The following PRDM4 variants were observed in gnomAD, a reference collection of about 807,000 sequenced individuals.
PRDM4 encodes PR domain zinc finger protein 4.
A neutral mutation model predicts 62.3 loss-of-function variants in PRDM4; 38 were observed. The observed-to-expected ratio is 0.61, with a 90% CI of 0.47 to 0.80. PRDM4 has a LOEUF of 0.80. PRDM4 is among the 30% of genes least tolerant of loss of function. The pLI is 0.00. For missense variants in PRDM4, 858 were observed against 997.1 expected, an observed-to-expected ratio of 0.86 and a Z score of 1.88; for synonymous variants, 339 against 348.2, an observed-to-expected ratio of 0.97 and a Z score of 0.30.
chr12:107,739,347 C>T (rs375800530), intron 11 of PRDM4, 36 bp downstream of exon 11: 14 of 1,600,096 alleles, frequency 8.7e-6, no homozygotes, highest in Non-Finnish European at 1.2e-5. Context: ...AGGCTCACCA[C>T]CTGAGGAACG....
At position 107,756,887 on chromosome 12, in the gene PRDM4, T is replaced by C; in HGVS notation, c.90A>G (p.Ser30=). 6.2e-7 allele frequency: 1 copy of C among 1,614,158 alleles called. No homozygotes were observed. The highest frequency in any genetic ancestry group is 1.7e-5 in the Admixed American group (1 of 60,002). The change falls in exon 3 of 12, where the codon TCA becomes TCG. Residue 30 remains serine (S), a synonymous_variant. Transcript: ENST00000228437. ...SSSVSNALPV[S]GSHLGLAASP... ...AGGCAGCCAATCCCAGGTGACTTCC[T>C]GAGACTGGCAAGGCATTGCTCACAG...
In PRDM4 at chr12:107,735,261, T is replaced by C. The variant is rs116330643; in HGVS notation, c.2094-739A>G. Among the ~76,000 whole-genome samples the C allele has an allele frequency of 3.4e-3, 513 of 152,320 alleles. 4 individuals are homozygous for C. The highest frequency in any genetic ancestry group is 0.012 in the African/African-American group (488 of 41,574). On this transcript the variant is annotated intron_variant, in intron 11 of 11. Coordinates refer to ENST00000228437, the MANE Select transcript of PRDM4 (RefSeq NM_012406.4). ...ATAGCTAAATCAAAGGATATGCACATCTTCAACTTTACAAGATAATGACAA... is the reference window on the plus strand; with the variant it reads ...ATAGCTAAATCAAAGGATATGCACACCTTCAACTTTACAAGATAATGACAA...
chr12:107,741,197 T>G lies in PRDM4; in HGVS notation c.1673A>C (p.Glu558Ala). The change falls in exon 10 of 12, where the codon GAG becomes GCG. Residue 558 changes from glutamate to alanine, a missense_variant. By Grantham distance (107) the Glu-to-Ala change is moderately radical. Transcript: ENST00000228437. ...GTGGCTGGTCAGATGGGCTTTGAAC[T>G]CTGTGTAAGAATTGCACTCCTTGCC... ...NCGKECNSYT[E>A]FKAHLTSHIH... 6.2e-7 allele frequency: 1 copy of G among 1,614,168 alleles called. No homozygotes were observed. Among genetic ancestry groups the G allele is most frequent in the Non-Finnish European group, 8.5e-7 (1 of 1,180,026 alleles).
At position 107,751,436 on chromosome 12, in the gene PRDM4, T is replaced by G. The variant is rs759686152; in HGVS notation, c.1105A>C (p.Met369Leu). The G allele has an allele frequency of 6.2e-7, 1 of 1,605,842 alleles. No individual in the cohort carries two copies. Among genetic ancestry groups the G allele is most frequent in the East Asian group, 2.2e-5 (1 of 44,588 alleles). ...MEDSNSNKEN[M>L]ATLFTIWCTL... ...TCACAAATTGTAAACAAGGTTGCCATGTTCTCCTTGTTTGAATTGGAGTCT... is the reference window on the plus strand; with the variant it reads ...TCACAAATTGTAAACAAGGTTGCCAGGTTCTCCTTGTTTGAATTGGAGTCT... The change falls in exon 5 of 12, where the codon ATG becomes CTG. Residue 369 changes from methionine to leucine, a missense_variant. Physicochemically the swap from Met to Leu is conservative, Grantham distance 15 (BLOSUM62 2). This residue lies in a region of PRDM4 where 499 missense variants were observed against 546.7 expected (regional missense o/e 0.91). Transcript: ENST00000228437.
At chr12:107,760,375 ATT>A in intron 2 of PRDM4, 128 bp downstream of exon 2, 2 of 1,205,786 alleles carry the variant, frequency 1.7e-6, no homozygotes, top group South Asian at 3.0e-5. Context: ...TAGTTTCTGG[ATT>A]TGTTTCCTTT....
At chr12:107,754,231 C>A in intron 3 of PRDM4, 122 bp from the exon 4 acceptor site, 1 of 666,384 alleles carries the variant, frequency 1.5e-6, no homozygotes, top group Non-Finnish European at 2.5e-6. Flanking sequence ...ACCTACTAGC[C>A]CTTTTCATCC....
chr12:107,751,578 G>A lies in PRDM4; in HGVS notation c.963C>T (p.Gly321=). Residue 321 remains glycine, a synonymous_variant, in exon 5 of 12, where the codon GGC becomes GGT. Coordinates refer to ENST00000228437, the MANE Select transcript of PRDM4 (RefSeq NM_012406.4). ...SLESVSLHEV[G]LSLEPVAVSS... Reference sequence around the variant, plus strand: ...AGACAGCCACAGGTTCTAGGCTGAGGCCAACTTCATGGAGGGAAACAGATT... The same window carrying A: ...AGACAGCCACAGGTTCTAGGCTGAGACCAACTTCATGGAGGGAAACAGATT... 1 of 1,613,562 alleles carries A rather than the reference G, an allele frequency of 6.2e-7. No individual in the cohort carries two copies. The highest frequency in any genetic ancestry group is 8.5e-7 in the Non-Finnish European group (1 of 1,179,470).
intron 3 of PRDM4, 80 bp from the exon 4 acceptor site, chr12:107,754,189 T>C (rs1242349809): frequency 2.5e-6 from 3 of 1,199,922 alleles, no homozygotes; most frequent in Admixed American, 2.8e-5. Flanking sequence ...GCTAAACTCT[T>C]AGAAAGGTTT....
In PRDM4 at chr12:107,753,829, A is replaced by G. The variant is rs559745617; in HGVS notation, c.331+95T>C. On this transcript the variant is annotated intron_variant, in intron 4 of 11. Transcript: ENST00000228437. ...CTAGAGATTAATATCTAATAGTGACAAACAGAAAAAAGTGTTATTCATATC... is the reference window on the plus strand; with the variant it reads ...CTAGAGATTAATATCTAATAGTGACGAACAGAAAAAAGTGTTATTCATATC... 2.1e-5 allele frequency: 25 copies of G among 1,215,122 alleles called. No individual in the cohort carries two copies. In the East Asian group the frequency reaches 5.7e-4, roughly 27 times the overall value. 75.3% of individuals were successfully genotyped at this position (1,215,122 alleles called of 1,614,324 possible).
At position 107,741,152 on chromosome 12, in the gene PRDM4, G is replaced by A; in HGVS notation, c.1718C>T (p.Thr573Ile). ...LTSHIHNHLP[T>I]QGHSGSHGPS... ...CCCATGGCTGCCGCTATGTCCCTGG[G>A]TAGGAAGATGGTTATGGATGTGGCT... The change falls in exon 10 of 12, where the codon ACC becomes ATC. Residue 573 changes from threonine (T) to isoleucine (I), a missense_variant. By Grantham distance (89) the Thr-to-Ile change is moderately conservative. This residue lies in a region of PRDM4 where 355 missense variants were observed against 432.6 expected (regional missense o/e 0.82). Transcript: ENST00000228437. The A allele has an allele frequency of 6.2e-7, 1 of 1,614,148 alleles. No homozygotes were observed. Among genetic ancestry groups the A allele is most frequent in the Non-Finnish European group, 8.5e-7 (1 of 1,180,028 alleles).
At chr12:107,742,688 G>A (rs1177349730) in intron 8 of PRDM4, 2 of 256,944 alleles carry the variant, frequency 7.8e-6, no homozygotes, top group African/African-American at 2.3e-5. Context: ...ACTCAGGGGT[G>A]GACTAACAGC....
At chr12:107,734,697 G>A (rs1251457094) in intron 11 of PRDM4, among the ~76,000 whole-genome samples, 175 bp from the exon 12 acceptor site, 1 of 152,114 alleles carries the variant, frequency 6.6e-6, no homozygotes, top group African/African-American at 2.4e-5. Flanking sequence ...AAACAGTGTA[G>A]GCTCATTTTT....
intron 2 of PRDM4, 48 bp from the exon 3 acceptor site, chr12:107,757,013 A>G: frequency 6.3e-7 from 1 of 1,595,624 alleles, no homozygotes; most frequent in Non-Finnish European, 8.6e-7. Flanking sequence ...TACTCCAATG[A>G]CTCTGTATTA....
At chr12:107,747,864 C>T (rs927201422) in intron 5 of PRDM4, among the ~76,000 whole-genome samples, 21 of 152,204 alleles carry the variant, frequency 1.4e-4, no homozygotes, top group Non-Finnish European at 2.5e-4. Flanking sequence ...GGCGTTCCTG[C>T]TTCAGCCTGC....
Position 107,734,295 on chromosome 12 carries a change from T to C in PRDM4, c.2321A>G (p.Asp774Gly), listed in dbSNP as rs764780238. 4 of 1,614,204 alleles carry C rather than the reference T, an allele frequency of 2.5e-6. No homozygotes were observed. In the South Asian group the frequency reaches 4.4e-5, roughly 18 times the overall value. Residue 774 changes from aspartate (D) to glycine (G), a missense_variant, in exon 12 of 12, where the codon GAT becomes GGT. By Grantham distance (94) the Asp-to-Gly change is moderately conservative. Transcript: ENST00000228437. The part of the protein sequence containing the change: ...EEEEDDSEEE[D>G]LADSVGTEDC... Reference sequence around the variant, plus strand: ...TTCTGTCCCCACAGAGTCTGCTAGATCTTCCTCTTCTGAGTCATCCTCTTC... The same window carrying C: ...TTCTGTCCCCACAGAGTCTGCTAGACCTTCCTCTTCTGAGTCATCCTCTTC...
At chr12:107,746,180 C>T in intron 6 of PRDM4, 95 bp downstream of exon 6, 3 of 1,459,856 alleles carry the variant, frequency 2.1e-6, no homozygotes, top group Non-Finnish European at 2.8e-6. Flanking sequence ...ACTTTTGGTC[C>T]AAATAATTAC....
At chr12:107,740,916 A>G in intron 10 of PRDM4, 30 bp downstream of exon 10, 1 of 1,590,358 alleles carries the variant, frequency 6.3e-7, no homozygotes, top group South Asian at 1.1e-5. Flanking sequence ...TGTTGCAAAA[A>G]TTCCATTCTG....
chr12:107,753,075 G>A (rs1392004063), intron 4 of PRDM4, among the ~76,000 whole-genome samples: 1 of 152,230 alleles, frequency 6.6e-6, no homozygotes, highest in Admixed American at 6.5e-5. Context: ...CAATCGTATA[G>A]AAAGTATGGT....
chr12:107,740,798 C>T, intron 10 of PRDM4, 148 bp downstream of exon 10: 1 of 789,474 alleles, frequency 1.3e-6, no homozygotes, highest in Non-Finnish European at 2.0e-6. Flanking sequence ...TTGGAAGTGA[C>T]AGCCTCCAAG....
Sources: gnomAD v4.1 joint callset for allele counts (sites outside exome capture counted in the v4.1 genomes callset) on GRCh38, gnomAD v4.1.1 for gene constraint, gnomAD v4.1.1 regional missense constraint, MANE v1.5 for transcripts, NCBI Gene and HGNC (gene_info 2026-07-23, HGNC 2026-07-21) for gene names.